NECTIN1: variants seen among roughly 807,000 people sequenced by gnomAD.
NECTIN1 encodes nectin-1.
In NECTIN1, 23 loss-of-function variants were observed where a neutral mutation model predicts 48.0. The ratio of observed to expected loss-of-function variants is 0.48; its 90% CI spans 0.34 to 0.68. The LOEUF is 0.68. NECTIN1 is among the 30% of genes least tolerant of loss of function. The pLI is 0.01. For missense variants in NECTIN1, 591 were observed against 709.9 expected, an observed-to-expected ratio of 0.83 and a Z score of 1.90; for synonymous variants, 270 against 288.9, an observed-to-expected ratio of 0.93 and a Z score of 0.66.
intron 1 of NECTIN1, among the ~76,000 whole-genome samples, chr11:119,680,067 T>C (rs1865031706): frequency 6.6e-6 from 1 of 152,208 alleles, no homozygotes. Context: ...CTAGTAAATA[T>C]TTGTTACTAC....
intron 1 of NECTIN1, among the ~76,000 whole-genome samples, chr11:119,706,846 T>C (rs369060643): frequency 1.1e-4 from 17 of 152,338 alleles, no homozygotes; most frequent in African/African-American, 3.8e-4. Flanking sequence ...TCTGGGTTTA[T>C]ATCATTATCC....
chr11:119,674,748 C>T, intron 5 of NECTIN1: 1 of 1,609,010 alleles, frequency 6.2e-7, no homozygotes, highest in East Asian at 2.2e-5. Flanking sequence ...GCCTCACTTT[C>T]TGGCCCATGA....
intron 1 of NECTIN1, among the ~76,000 whole-genome samples, chr11:119,680,358 G>A (rs1232033603): frequency 1.3e-5 from 2 of 152,104 alleles, no homozygotes; most frequent in South Asian, 2.1e-4. Flanking sequence ...TCACTTTATT[G>A]AGCGTCATCA....
chr11:119,702,240 G>C (rs140836753), intron 1 of NECTIN1, among the ~76,000 whole-genome samples: 267 of 152,292 alleles, frequency 1.8e-3, no homozygotes, highest in Non-Finnish European at 3.2e-3. Context: ...AGCAACCAAG[G>C]CATTAACCTT....
intron 1 of NECTIN1, among the ~76,000 whole-genome samples, chr11:119,693,444 G>A (rs1201803923): frequency 1.3e-5 from 2 of 152,202 alleles, no homozygotes; most frequent in African/African-American, 4.8e-5. Flanking sequence ...CCCCGAGTGG[G>A]GAGTCCCCTC....
intron 5 of NECTIN1, chr11:119,640,275 G>A (rs2135522729): frequency 1.8e-6 from 1 of 541,174 alleles, no homozygotes; most frequent in South Asian, 2.1e-5. Flanking sequence ...GAACAAGGGT[G>A]AGGGTATCTC....
chr11:119,690,266 C>T (rs1442683179), intron 1 of NECTIN1, among the ~76,000 whole-genome samples: 1 of 152,170 alleles, frequency 6.6e-6, no homozygotes, highest in African/African-American at 2.4e-5. Context: ...CCCCAGCAGG[C>T]CAGCCTCTCT....
chr11:119,693,602 C>A lies in NECTIN1; in HGVS notation c.80-14837G>T, dbSNP rs116319905. ...CACCATGAAGCCCAGGAAGTGGCAGCAGGTGCTCATGAAGAGTCAGCAGAG... is the reference window on the plus strand; with the variant it reads ...CACCATGAAGCCCAGGAAGTGGCAGAAGGTGCTCATGAAGAGTCAGCAGAG... On this transcript the variant is annotated intron_variant, in intron 1 of 5. Coordinates refer to ENST00000264025, the MANE Select transcript of NECTIN1 (RefSeq NM_002855.5). 6.2e-3 allele frequency among the ~76,000 whole-genome samples: 940 copies of A among 152,290 alleles called. 12 individuals carry two copies. The highest frequency in any genetic ancestry group is 0.021 in the African/African-American group (878 of 41,546).
chr11:119,658,674 C>T (rs1354267759), downstream of NECTIN1, among the ~76,000 whole-genome samples: 2 of 152,226 alleles, frequency 1.3e-5, no homozygotes, highest in East Asian at 3.8e-4. Context: ...CCATCTGACT[C>T]CGACAACTCC....
intron 1 of NECTIN1, among the ~76,000 whole-genome samples, chr11:119,722,966 C>T (rs552443261): frequency 1.3e-5 from 2 of 152,274 alleles, no homozygotes; most frequent in East Asian, 1.9e-4. Flanking sequence ...TTTAAAGATA[C>T]GAAAACTTTG....
intron 6 of NECTIN1, among the ~76,000 whole-genome samples, chr11:119,639,117 G>A (rs984797313): frequency 5.9e-5 from 9 of 152,212 alleles, no homozygotes; most frequent in African/African-American, 2.2e-4. Flanking sequence ...CAGCAGCACT[G>A]TGGGCCCTCA....
At chr11:119,715,181 G>C (rs1398132806) in intron 1 of NECTIN1, among the ~76,000 whole-genome samples, 3 of 152,122 alleles carry the variant, frequency 2.0e-5, no homozygotes, top group African/African-American at 2.4e-5. Flanking sequence ...TTTAGGAAGT[G>C]AATGGGGTGC....
chr11:119,723,042 C>T (rs2134347285), intron 1 of NECTIN1, among the ~76,000 whole-genome samples: 1 of 151,952 alleles, frequency 6.6e-6, no homozygotes, highest in Non-Finnish European at 1.5e-5. Flanking sequence ...AGGGTGAAAC[C>T]CCGTCTCTAC....
At chr11:119,651,754 A>G (rs566075772) in intron 5 of NECTIN1, among the ~76,000 whole-genome samples, 1 of 152,106 alleles carries the variant, frequency 6.6e-6, no homozygotes, top group Non-Finnish European at 1.5e-5. Flanking sequence ...ATTGCAGTAG[A>G]TCATGGAGAT....
At chr11:119,724,029 G>T (rs994394360) in intron 1 of NECTIN1, among the ~76,000 whole-genome samples, 1 of 152,136 alleles carries the variant, frequency 6.6e-6, no homozygotes, top group Non-Finnish European at 1.5e-5. Context: ...GCTTTCTGCT[G>T]CGTGAACCCA....
intron 5 of NECTIN1, among the ~76,000 whole-genome samples, chr11:119,651,705 C>T (rs767249357): frequency 6.6e-6 from 1 of 152,144 alleles, no homozygotes; most frequent in Non-Finnish European, 1.5e-5. Flanking sequence ...GGAAGCTGCC[C>T]TTGGCCACTA....
chr11:119,675,774 G>A (rs1864935844), intron 4 of NECTIN1: 2 of 186,294 alleles, frequency 1.1e-5, no homozygotes, highest in South Asian at 1.0e-4. Flanking sequence ...TTGGGAGGCC[G>A]AGGCAGGCAG....
In NECTIN1 at chr11:119,709,539, T is replaced by C. The variant is rs540838777; in HGVS notation, c.79+18936A>G. 1.3e-5 allele frequency among the ~76,000 whole-genome samples: 2 copies of C among 151,512 alleles called. No individual in the cohort carries two copies. Among genetic ancestry groups the C allele is most frequent in the African/African-American group, 4.9e-5 (2 of 41,234 alleles). Reference sequence around the variant, plus strand: ...ACTTCCAGGGGTGGAGGTTCAGGGGTTGGGGAAGGGAAGGGCTAGCTCCCT... The same window carrying C: ...ACTTCCAGGGGTGGAGGTTCAGGGGCTGGGGAAGGGAAGGGCTAGCTCCCT... On this transcript the variant is annotated intron_variant, in intron 1 of 5. Transcript: ENST00000264025. The surrounding 1 kb of genome is among the most constrained non-coding windows in gnomAD (Gnocchi z 4.1).
At chr11:119,710,296 A>C (rs1295426226) in intron 1 of NECTIN1, among the ~76,000 whole-genome samples, 1 of 152,262 alleles carries the variant, frequency 6.6e-6, no homozygotes, top group Non-Finnish European at 1.5e-5. Flanking sequence ...GTCATTGCAC[A>C]GACACATTCC....
Sources: allele counts gnomAD v4.1 joint callset (sites outside exome capture counted in the v4.1 genomes callset), GRCh38; gene constraint gnomAD v4.1.1; non-coding constraint Gnocchi (gnomAD v3.1); transcripts MANE v1.5; gene names NCBI Gene and HGNC (gene_info 2026-07-23, HGNC 2026-07-21).